Variants in SYNE1 observed in about 807,000 individuals in gnomAD.
The protein encoded by SYNE1 is spectrin repeat containing nuclear envelope protein 1.
Under a neutral mutation model 1,111.0 loss-of-function variants are expected in SYNE1, and 616 were observed. The observed-to-expected ratio is 0.55, with a 90% CI of 0.52 to 0.59. The LOEUF (loss-of-function observed/expected upper bound fraction) is 0.59. Ranked by LOEUF, SYNE1 falls within the 20% of genes least tolerant of loss-of-function variation. SYNE1 has a pLI of 0.00. For synonymous variants in SYNE1, 3,855 were observed against 3,825.8 expected (o/e 1.01, Z -0.28); for missense variants, 10,006 against 10,417.0 (o/e 0.96, Z 1.72).
intron 32 of SYNE1, among the ~76,000 whole-genome samples, chr6:152,440,162 C>T (rs376874604): frequency 1.4e-4 from 22 of 152,246 alleles, no homozygotes; most frequent in East Asian, 5.8e-4. Flanking sequence ...GCCACCCCAC[C>T]GCCCTTATTT....
intron 125 of SYNE1, among the ~76,000 whole-genome samples, chr6:152,207,517 A>G (rs2076737422): frequency 6.6e-6 from 1 of 152,170 alleles, no homozygotes; most frequent in Non-Finnish European, 1.5e-5. Flanking sequence ...AACTCACTAG[A>G]GTGATAGGAG....
In SYNE1 at chr6:152,525,974, A is replaced by G. The variant is rs1317556783; in HGVS notation, c.225+106T>C. The G allele has an allele frequency of 1.5e-5, 15 of 1,002,900 alleles. No individual in the cohort carries two copies. The Admixed American group carries it at 2.5e-4, about 16-fold the overall frequency. 62.1% of individuals were successfully genotyped at this position (1,002,900 alleles called of 1,614,324 possible). On this transcript the variant is annotated intron_variant, in intron 5 of 145. Transcript: ENST00000367255. The stretch of plus-strand genomic sequence containing the variant: ...CAGTATACTACCAACCACGACAAAT[A>G]ACTTTCTTTTACCTGGGCAGCACAT...
chr6:152,201,028 T>C (rs1427631846), intron 127 of SYNE1, among the ~76,000 whole-genome samples: 2 of 152,216 alleles, frequency 1.3e-5, no homozygotes, highest in Admixed American at 1.3e-4. Flanking sequence ...TTTAAGTATA[T>C]GCGAATTTTT....
At chr6:152,345,268 G>A (rs2096610289) in intron 73 of SYNE1, among the ~76,000 whole-genome samples, 1 of 152,134 alleles carries the variant, frequency 6.6e-6, no homozygotes, top group South Asian at 2.1e-4. Context: ...CAAAGAAAAT[G>A]TCCACTGTGA....
At chr6:152,160,193 A>G (rs1203031389) in intron 131 of SYNE1, among the ~76,000 whole-genome samples, 5 of 152,124 alleles carry the variant, frequency 3.3e-5, no homozygotes, top group African/African-American at 9.7e-5. Context: ...TTTTTAGTAG[A>G]GACGGGGTTT....
chr6:152,437,026 G>C (rs1169283328), intron 32 of SYNE1, among the ~76,000 whole-genome samples: 1 of 151,954 alleles, frequency 6.6e-6, no homozygotes, highest in African/African-American at 2.4e-5. Flanking sequence ...AAGTGACCAG[G>C]CATGATGGTG....
At position 152,331,813 on chromosome 6, in the gene SYNE1, G is replaced by T; in HGVS notation, c.12872C>A (p.Ala4291Asp). 6.2e-7 allele frequency: 1 copy of T among 1,614,088 alleles called. No homozygotes were observed. Among genetic ancestry groups the T allele is most frequent in the Non-Finnish European group, 8.5e-7 (1 of 1,180,026 alleles). The part of the protein sequence containing the change: ...LALALQERKY[A>D]IEDLKDQKQK... ...CTTTTGATCTTTCAGATCTTCAATA[G>T]CATACTTTCTCTCCTGCAATGCCAA... is the stretch of plus-strand genomic sequence containing the variant. Residue 4291 changes from alanine (A) to aspartate (D), a missense_variant, in exon 78 of 146, where the codon GCT becomes GAT. This residue lies in a region of SYNE1 where 4,955 missense variants were observed against 5,017.2 expected (regional missense o/e 0.99). Coordinates refer to ENST00000367255, the MANE Select transcript of SYNE1 (RefSeq NM_182961.4).
rs201747340 is a variant in SYNE1, at chr6:152,409,659, A to T, written c.6281T>A (p.Leu2094Gln). Reference sequence around the variant, plus strand: ...TAAGACTTTAGATACAGCTGATTTCAGGTTCTGATATTCTCTCATTAAGTC... The same window carrying T: ...TAAGACTTTAGATACAGCTGATTTCTGGTTCTGATATTCTCTCATTAAGTC... Reference protein sequence around the residue: ...LIDLMREYQNLKSAVSKVLEN... With the variant: ...LIDLMREYQNQKSAVSKVLEN... Residue 2094 changes from leucine (L) to glutamine (Q), a missense_variant, in exon 43 of 146, where the codon CTG (leucine) becomes CAG (glutamine). Leu to Gln is a moderately radical substitution (Grantham distance 113). Around this residue, in one of 7 missense-constraint regions of SYNE1, gnomAD observed 4,955 missense variants for 5,017.2 expected, o/e 0.99. Transcript: ENST00000367255. The T allele has an allele frequency of 3.8e-5, 61 of 1,613,780 alleles. No homozygotes were observed. The highest frequency in any genetic ancestry group is 4.8e-5 in the Non-Finnish European group (57 of 1,179,970).
chr6:152,628,556 T>G lies in SYNE1; in HGVS notation c.-223-2A>C. On this transcript the variant is annotated splice_acceptor_variant, in intron 2 of 145. Coordinates refer to ENST00000367255, the MANE Select transcript of SYNE1 (RefSeq NM_182961.4). LOFTEE classifies it low-confidence loss of function (5UTR_SPLICE). ...GTCCTCTTACATGAACTCAAGAACCTGAAAAACAAAAAAGAAAAGGTACAA... is the reference window on the plus strand; with the variant it reads ...GTCCTCTTACATGAACTCAAGAACCGGAAAAACAAAAAAGAAAAGGTACAA... The G allele has an allele frequency of 1.9e-6, 1 of 540,328 alleles. No homozygotes were observed. Among genetic ancestry groups the G allele is most frequent in the Non-Finnish European group, 3.3e-6 (1 of 304,026 alleles). 33.5% of individuals were successfully genotyped at this position (540,328 alleles called of 1,614,324 possible). A position where few individuals can be genotyped will look rare whatever the true frequency, so the allele number is the denominator to read the frequency against.
chr6:152,129,782 C>T (rs935094051), intron 145 of SYNE1, among the ~76,000 whole-genome samples: 1 of 152,144 alleles, frequency 6.6e-6, no homozygotes, highest in East Asian at 1.9e-4. Flanking sequence ...TTCCTCATCC[C>T]CACCCTCCTT....
rs535924940 is a variant in SYNE1 at position 152,252,084 on chromosome 6, A to G, written c.19470+2796T>C. On this transcript the variant is annotated intron_variant, in intron 104 of 145. Transcript: ENST00000367255. ...CGGGAGTTCGAGACCAGCTTGGCCA[A>G]CATACAGTGAAAGCCCATCTCTACT... 7.2e-5 allele frequency among the ~76,000 whole-genome samples: 11 copies of G among 152,260 alleles called. No homozygotes were observed. The South Asian group carries it at 2.3e-3, about 32-fold the overall frequency.
Position 152,350,249 on chromosome 6 carries a change from C to G in SYNE1, c.11820G>C (p.Gln3940His), listed in dbSNP as rs140054849. The G allele has an allele frequency of 1.3e-4, 210 of 1,614,082 alleles. No individual in the cohort carries two copies. Among genetic ancestry groups the G allele is most frequent in the Admixed American group, 8.5e-4 (51 of 59,996 alleles). The stretch of plus-strand genomic sequence containing the variant: ...CAGGTGCCACCAGTCTGCCAGACAT[C>G]TGCAGCAGCCACTTTTCGACCTCTT... ...ELQEVEKWLL[Q>H]MSGRLVAPDL... Residue 3940 changes from glutamine to histidine, a missense_variant, in exon 72 of 146, where the codon CAG becomes CAC. This residue lies in a region of SYNE1 where 4,955 missense variants were observed against 5,017.2 expected (regional missense o/e 0.99). Transcript: ENST00000367255.
chr6:152,277,862 A>G, intron 98 of SYNE1: 1 of 588,980 alleles, frequency 1.7e-6, no homozygotes. Context: ...TGCCTCCACC[A>G]CTCCGCTGAA....
At position 152,409,767 on chromosome 6, in the gene SYNE1, T is replaced by G. The variant is rs975811788; in HGVS notation, c.6231-58A>C. 10 of 1,575,600 alleles carry G rather than the reference T, an allele frequency of 6.3e-6. No homozygotes were observed. The Admixed American group carries it at 1.7e-4, about 26-fold the overall frequency. The stretch of plus-strand genomic sequence containing the variant: ...GTCATGTATCAGGAAAAGGGAGAGT[T>G]GCCTGCAATTGGACTTGATGTTTCA... On this transcript the variant is annotated intron_variant, in intron 42 of 145. Transcript: ENST00000367255.
chr6:152,328,443 T>A (rs996689238), intron 78 of SYNE1, among the ~76,000 whole-genome samples: 1 of 151,708 alleles, frequency 6.6e-6, no homozygotes, highest in Non-Finnish European at 1.5e-5. Context: ...TTCACTCTTG[T>A]TGCCTAGGCT....
intron 58 of SYNE1, among the ~76,000 whole-genome samples, chr6:152,375,832 A>G (rs1011362538): frequency 6.6e-6 from 1 of 152,268 alleles, no homozygotes; most frequent in Non-Finnish European, 1.5e-5. Context: ...CCATTAATAT[A>G]TAAAAATAGT....
intron 128 of SYNE1, among the ~76,000 whole-genome samples, chr6:152,180,840 G>C (rs1299778197): frequency 6.6e-6 from 1 of 152,128 alleles, no homozygotes; most frequent in Non-Finnish European, 1.5e-5. Flanking sequence ...GGTGCCCCAA[G>C]GCTCAGCTCC....
rs773693615 is a variant in SYNE1 at position 152,387,280 on chromosome 6, A to G, written c.8279T>C (p.Leu2760Ser). The change falls in exon 54 of 146, where the codon TTA becomes TCA. Residue 2760 changes from leucine (L) to serine (S), a missense_variant. Around this residue, in one of 7 missense-constraint regions of SYNE1, gnomAD observed 4,955 missense variants for 5,017.2 expected, o/e 0.99. Coordinates refer to ENST00000367255, the MANE Select transcript of SYNE1 (RefSeq NM_182961.4). The part of the protein sequence containing the change: ...ESVDQKIEHP[L>S]QPQPGLKEKF... ...CTCTTTCAGACCTGGCTGTGGTTGT[A>G]AGGGATGTTCTATTTTTTGATCCAC... The G allele has an allele frequency of 6.2e-7, 1 of 1,614,200 alleles. No individual in the cohort carries two copies. The highest frequency in any genetic ancestry group is 1.7e-5 in the Admixed American group (1 of 60,026).
intron 127 of SYNE1, 54 bp downstream of exon 127, chr6:152,201,770 A>G: frequency 6.2e-7 from 1 of 1,607,102 alleles, no homozygotes. Context: ...GGCCCCAAAG[A>G]CATTCCAGCA....
Sources: allele counts gnomAD v4.1 joint callset (sites outside exome capture counted in the v4.1 genomes callset), GRCh38; gene constraint gnomAD v4.1.1; regional missense constraint gnomAD v4.1.1; transcripts MANE v1.5; gene names NCBI Gene and HGNC (gene_info 2026-07-23, HGNC 2026-07-21).